FBXW8: variants seen among roughly 807,000 people sequenced by gnomAD.
The protein encoded by FBXW8 is F-box/WD repeat-containing protein 8.
In FBXW8, 57 loss-of-function variants were observed where a neutral mutation model predicts 65.3. The observed-to-expected ratio is 0.87, with a 90% CI of 0.71 to 1.09. FBXW8 has a LOEUF of 1.09. Among genes scored for constraint, FBXW8 ranks in the 50% least tolerant of loss-of-function variants. FBXW8 has a pLI of 0.00. For synonymous variants in FBXW8, 308 were observed against 330.2 expected (o/e 0.93, Z 0.73); for missense variants, 777 against 814.8 (o/e 0.95, Z 0.57).
intron 7 of FBXW8, among the ~76,000 whole-genome samples, chr12:117,007,366 G>T (rs1242391493): frequency 2.6e-5 from 4 of 152,108 alleles, no homozygotes; most frequent in African/African-American, 9.7e-5. Context: ...AGCCAAAGAG[G>T]AGGAAAAATT....
At chr12:116,988,599 A>G (rs1487472996) in intron 6 of FBXW8, 64 bp from the exon 7 acceptor site, 22 of 1,419,616 alleles carry the variant, frequency 1.5e-5, no homozygotes, top group Non-Finnish European at 2.2e-5. Context: ...TGTAGGTGGA[A>G]TTGCATATTT....
intron 9 of FBXW8, 134 bp downstream of exon 9, chr12:117,024,454 T>A: frequency 1.0e-6 from 1 of 990,872 alleles, no homozygotes. Context: ...ACTGTGACCC[T>A]AGGAGCCAGC....
intron 5 of FBXW8, among the ~76,000 whole-genome samples, chr12:116,965,925 A>ATTTT (rs10630126): frequency 7.3e-5 from 10 of 137,312 alleles, no homozygotes; most frequent in African/African-American, 1.9e-4. Flanking sequence ...TGCCCAGCTA[A>ATTTT]TTTTTTTTTT....
chr12:116,930,770 C>G (rs1438663351), intron 2 of FBXW8, among the ~76,000 whole-genome samples: 1 of 152,104 alleles, frequency 6.6e-6, no homozygotes, highest in East Asian at 1.9e-4. Flanking sequence ...TTTACAGTTT[C>G]AAGTCTTATG....
chr12:116,982,143 A>G (rs1885346946), intron 5 of FBXW8, among the ~76,000 whole-genome samples: 1 of 152,254 alleles, frequency 6.6e-6, no homozygotes, highest in African/African-American at 2.4e-5. Flanking sequence ...CAGATGGGAT[A>G]AATTTAAAAA....
In FBXW8 at chr12:117,022,355, T is replaced by TAA. The variant is rs5801209; in HGVS notation, c.1368-1778_1368-1777dup. On this transcript the variant is annotated intron_variant, in intron 8 of 10. Coordinates refer to ENST00000652555, the MANE Select transcript of FBXW8 (RefSeq NM_153348.3). Reference sequence around the variant, plus strand: ...AGATTATAGTGACTAAAGAAACTATTAAAAAAAAAAAAAAACAGGCTGGGT... The same window carrying TAA: ...AGATTATAGTGACTAAAGAAACTATTAAAAAAAAAAAAAAAAACAGGCTGGGT... Among the ~76,000 whole-genome samples the TAA allele has an allele frequency of 8.3e-3, 1,154 of 139,104 alleles. 10 individuals carry two copies. Among genetic ancestry groups the TAA allele is most frequent in the African/African-American group, 0.024 (932 of 38,774 alleles). The allele number at this position is 139,104 out of a possible 152,430, so 91.3% of individuals were successfully genotyped here. A position where few individuals can be genotyped will look rare whatever the true frequency, so the allele number is the denominator to read the frequency against.
rs372877140 is a variant in FBXW8, at chr12:117,029,147, C to T, written c.*975C>T. On this transcript the variant is annotated 3_prime_UTR_variant, in exon 11 of 11. Transcript: ENST00000652555. The stretch of plus-strand genomic sequence containing the variant: ...GTATGGAATTTCAAATACACATAGA[C>T]GATGCACAAAAAACCACCCTGTACG... The T allele has an allele frequency of 1.9e-4, 29 of 152,260 alleles. No homozygotes were observed. The highest frequency in any genetic ancestry group is 5.5e-4 in the African/African-American group (23 of 41,538). The allele number at this position is 152,260 out of a possible 1,614,324, so 9.4% of individuals were successfully genotyped here.
chr12:116,977,215 T>A (rs1390404234), intron 5 of FBXW8, among the ~76,000 whole-genome samples: 1 of 152,214 alleles, frequency 6.6e-6, no homozygotes, highest in Admixed American at 6.5e-5. Flanking sequence ...TGCTTTTTAT[T>A]TGAGCCATTT....
intron 8 of FBXW8, 104 bp from the exon 9 acceptor site, chr12:117,024,043 A>G: frequency 4.1e-6 from 5 of 1,210,242 alleles, no homozygotes; most frequent in Non-Finnish European, 4.6e-6. Context: ...GGAGTTTTTC[A>G]TAGCAGTGTT....
intron 5 of FBXW8, among the ~76,000 whole-genome samples, chr12:116,969,689 C>T (rs909900569): frequency 1.3e-5 from 2 of 151,656 alleles, no homozygotes; most frequent in Non-Finnish European, 2.9e-5. Context: ...GCCATTGAAA[C>T]GCCCTCGCTG....
At chr12:116,949,968 T>A (rs1157055900) in intron 4 of FBXW8, 1 of 413,600 alleles carries the variant, frequency 2.4e-6, no homozygotes, top group Non-Finnish European at 4.4e-6. Context: ...AAATCACTCT[T>A]GTGGCATGTT....
chr12:116,967,874 C>A (rs909322005), intron 5 of FBXW8, among the ~76,000 whole-genome samples: 2 of 152,170 alleles, frequency 1.3e-5, no homozygotes, highest in African/African-American at 4.8e-5. Context: ...TCAGGCGATT[C>A]TCCTGCCTCA....
chr12:116,917,503 G>A (rs550731363), intron 1 of FBXW8, among the ~76,000 whole-genome samples: 1 of 152,168 alleles, frequency 6.6e-6, no homozygotes, highest in Admixed American at 6.5e-5. Flanking sequence ...ACTTTCATTA[G>A]TGCACCCTGT....
At chr12:116,979,965 G>C (rs538489224) in intron 5 of FBXW8, among the ~76,000 whole-genome samples, 1 of 152,108 alleles carries the variant, frequency 6.6e-6, no homozygotes, top group Non-Finnish European at 1.5e-5. Context: ...GCCCTCTCCA[G>C]GTGGGCATGT....
intron 1 of FBXW8, among the ~76,000 whole-genome samples, chr12:116,912,254 C>T (rs1306366363): frequency 2.0e-5 from 3 of 150,064 alleles, no homozygotes; most frequent in African/African-American, 7.4e-5. Context: ...CTGTTGCTCT[C>T]CCGGCCCACT....
intron 5 of FBXW8, among the ~76,000 whole-genome samples, chr12:116,982,378 A>T (rs993425471): frequency 2.0e-5 from 3 of 152,212 alleles, no homozygotes; most frequent in African/African-American, 7.2e-5. Context: ...GACTATAGTA[A>T]CCAGGGATAC....
intron 7 of FBXW8, among the ~76,000 whole-genome samples, chr12:116,989,305 G>A (rs1227207725): frequency 6.6e-6 from 1 of 152,326 alleles, no homozygotes; most frequent in East Asian, 1.9e-4. Flanking sequence ...CTCATAGCCT[G>A]TTTAGCCAGG....
At chr12:116,966,528 G>A (rs1225237121) in intron 5 of FBXW8, among the ~76,000 whole-genome samples, 1 of 152,126 alleles carries the variant, frequency 6.6e-6, no homozygotes, top group Non-Finnish European at 1.5e-5. Flanking sequence ...TGAACATAAA[G>A]ACTCTTGTAG....
intron 4 of FBXW8, chr12:116,950,159 G>T (rs1296046907): frequency 6.6e-6 from 1 of 152,182 alleles, no homozygotes; most frequent in African/African-American, 2.4e-5. Context: ...GTACCTATTT[G>T]TTACTTAAGT....
Sources: gnomAD v4.1 joint callset for allele counts (sites outside exome capture counted in the v4.1 genomes callset) on GRCh38, gnomAD v4.1.1 for gene constraint, MANE v1.5 for transcripts, NCBI Gene and HGNC (gene_info 2026-07-23, HGNC 2026-07-21) for gene names.